Variants in SNX20 observed in about 807,000 individuals in gnomAD.
The protein encoded by SNX20 is sorting nexin 20, also known as sorting nexin-20.
In SNX20, 21 loss-of-function variants were observed where a neutral mutation model predicts 24.5. That is an observed-to-expected ratio of 0.86 (90% CI 0.61 to 1.23). The LOEUF (loss-of-function observed/expected upper bound fraction) is 1.23. SNX20 is among the 50% of genes most tolerant of loss of function. The pLI, the probability that SNX20 is intolerant of heterozygous loss-of-function variation, is 0.00. For missense variants in SNX20, 433 were observed against 430.8 expected (o/e 1.00, Z -0.04); for synonymous variants, 206 against 192.8 (o/e 1.07, Z -0.57).
At chr16:50,675,016 G>A (rs1160940464) in intron 3 of SNX20, among the ~76,000 whole-genome samples, 1 of 152,176 alleles carries the variant, frequency 6.6e-6, no homozygotes, top group Non-Finnish European at 1.5e-5. Flanking sequence ...ACAAGGATAG[G>A]CATAGTGCCT....
intron 1 of SNX20, among the ~76,000 whole-genome samples, chr16:50,680,544 G>T (rs1963275199): frequency 6.6e-6 from 1 of 152,148 alleles, no homozygotes; most frequent in Non-Finnish European, 1.5e-5. Context: ...GCACACAGAG[G>T]CCACACTATC....
chr16:50,667,599 C>T (rs57814303), downstream of SNX20: 6,997 of 236,048 alleles, frequency 0.03, 283 homozygotes, highest in East Asian at 0.11. Flanking sequence ...GTAGGAGTGC[C>T]AGGGATCTTT....
intron 1 of SNX20, among the ~76,000 whole-genome samples, 163 bp downstream of exon 1, chr16:50,681,027 C>T (rs984912876): frequency 2.6e-5 from 4 of 152,240 alleles, no homozygotes; most frequent in Admixed American, 1.3e-4. Context: ...GGAGCTGTCC[C>T]TTCCTCTGCC....
chr16:50,671,289 C>T (rs1246911598), downstream of SNX20: 1 of 152,096 alleles, frequency 6.6e-6, no homozygotes, highest in East Asian at 1.9e-4. Context: ...AACATGATTT[C>T]TCTGCTTGAG....
intron 3 of SNX20, 138 bp downstream of exon 3, chr16:50,675,632 A>G (rs1179125490): frequency 1.8e-6 from 2 of 1,134,080 alleles, no homozygotes; most frequent in Non-Finnish European, 2.5e-6. Flanking sequence ...CTCTTTGGCC[A>G]TTTTCTCCAG....
downstream of SNX20, chr16:50,668,037 G>A (rs376564963): frequency 6.1e-5 from 94 of 1,551,718 alleles, no homozygotes; most frequent in Middle Eastern, 1.3e-3. Context: ...GTCAGGAGCC[G>A]GAGCCTACGG....
chr16:50,674,114 G>C, intron 3 of SNX20, 40 bp from the exon 4 acceptor site: 1 of 1,545,328 alleles, frequency 6.5e-7, no homozygotes, highest in Non-Finnish European at 8.7e-7. Flanking sequence ...ACCTCCCGGC[G>C]GGGGCTGCGG....
At chr16:50,670,952 C>A (rs1963034481), downstream of SNX20, 1 of 152,196 alleles carries the variant, frequency 6.6e-6, no homozygotes, top group Non-Finnish European at 1.5e-5. Context: ...TGAATAAATC[C>A]ATTTCCTGTG....
At chr16:50,667,029 A>G (rs1962930561), downstream of SNX20, 1 of 152,240 alleles carries the variant, frequency 6.6e-6, no homozygotes. Flanking sequence ...GACTTTACAG[A>G]TAATAAATTC....
downstream of SNX20, chr16:50,668,020 G>C (rs749962451): frequency 1.3e-6 from 2 of 1,551,702 alleles, no homozygotes; most frequent in East Asian, 2.4e-5. Flanking sequence ...TGATATCAGG[G>C]TGTGGCGTCA....
At chr16:50,678,972 C>T (rs1963239918) in intron 1 of SNX20, among the ~76,000 whole-genome samples, 1 of 152,096 alleles carries the variant, frequency 6.6e-6, no homozygotes, top group Admixed American at 6.6e-5. Flanking sequence ...AAATAAATGA[C>T]TAAATTAAGG....
chr16:50,676,039 A>G (rs1963175291), intron 2 of SNX20, 118 bp from the exon 3 acceptor site: 5 of 1,117,854 alleles, frequency 4.5e-6, no homozygotes, highest in Non-Finnish European at 6.1e-6. Flanking sequence ...AGAGTATTGA[A>G]TATCCCTCTC....
chr16:50,677,650 G>A (rs1963214895), intron 1 of SNX20, 115 bp from the exon 2 acceptor site: 2 of 1,157,866 alleles, frequency 1.7e-6, no homozygotes, highest in East Asian at 2.9e-5. Context: ...GGAATGACAA[G>A]GGCCCCACGG....
intron 3 of SNX20, 117 bp from the exon 4 acceptor site, chr16:50,674,191 C>T: frequency 8.1e-7 from 1 of 1,235,960 alleles, no homozygotes; most frequent in African/African-American, 1.6e-5. Context: ...AACGGGCGAT[C>T]CTTATATGCA....
intron 3 of SNX20, among the ~76,000 whole-genome samples, 157 bp from the exon 4 acceptor site, chr16:50,674,231 T>C (rs1443354574): frequency 8.5e-6 from 1 of 118,066 alleles, no homozygotes. Flanking sequence ...GTTTGTTTGT[T>C]TATTTATTTA....
chr16:50,678,436 G>A (rs1430509829), intron 1 of SNX20, among the ~76,000 whole-genome samples: 1 of 152,212 alleles, frequency 6.6e-6, no homozygotes, highest in Admixed American at 6.5e-5. Context: ...CAGCTGGTGA[G>A]TGTGCGCAAC....
downstream of SNX20, chr16:50,669,379 G>C: frequency 2.0e-6 from 1 of 508,256 alleles, no homozygotes; most frequent in South Asian, 2.5e-5. Flanking sequence ...TGGCAAGAGA[G>C]GGAGCAAGAG....
downstream of SNX20, chr16:50,668,679 T>C (rs1478537239): frequency 6.4e-5 from 67 of 1,048,786 alleles, no homozygotes; most frequent in Non-Finnish European, 7.1e-5. Context: ...AGTTGCTGCA[T>C]GGGGGCCAGG....
At chr16:50,679,568 C>T (rs1353024316) in intron 1 of SNX20, among the ~76,000 whole-genome samples, 3 of 152,172 alleles carry the variant, frequency 2.0e-5, no homozygotes, top group African/African-American at 7.2e-5. Flanking sequence ...AGCATGCCGT[C>T]ACGGGCACCT....
Sources: allele counts gnomAD v4.1 joint callset (sites outside exome capture counted in the v4.1 genomes callset), GRCh38; gene constraint gnomAD v4.1.1; transcripts MANE v1.5; gene names NCBI Gene and HGNC (gene_info 2026-07-23, HGNC 2026-07-21).